Variants in TRAPPC9 observed in about 807,000 individuals in gnomAD.
The protein encoded by TRAPPC9 is trafficking protein particle complex subunit 9, also known as IKK2 binding protein.
TRAPPC9 carries 83 observed loss-of-function variants against 124.0 expected under a neutral mutation model. The ratio of observed to expected loss-of-function variants is 0.67; its 90% CI spans 0.56 to 0.80. The LOEUF (loss-of-function observed/expected upper bound fraction) is 0.80, where lower values mean the gene tolerates loss of function less well. Among genes scored for constraint, TRAPPC9 ranks in the 30% least tolerant of loss-of-function variants. The pLI is 0.00. For missense variants in TRAPPC9, 1,302 were observed against 1,508.3 expected (o/e 0.86, Z 2.27); for synonymous variants, 638 against 617.5 (o/e 1.03, Z -0.49).
chr8:140,206,547 G>A (rs958447373), intron 17 of TRAPPC9, among the ~76,000 whole-genome samples: 17 of 151,988 alleles, frequency 1.1e-4, no homozygotes, highest in Admixed American at 9.8e-4. Context: ...AATAAATTCT[G>A]GCTAGGGGTG....
intron 16 of TRAPPC9, among the ~76,000 whole-genome samples, chr8:140,221,876 G>A (rs2063345582): frequency 1.3e-5 from 2 of 152,162 alleles, no homozygotes; most frequent in South Asian, 2.1e-4. Context: ...TTTTGTTTAT[G>A]TAGGGGATTT....
intron 19 of TRAPPC9, among the ~76,000 whole-genome samples, chr8:139,912,377 C>CCAT: frequency 6.6e-6 from 1 of 152,146 alleles, no homozygotes; most frequent in Non-Finnish European, 1.5e-5. Context: ...TCATAGCCTA[C>CCAT]AGAATGGTTC....
chr8:140,328,895 G>T (rs2066815226), intron 9 of TRAPPC9, among the ~76,000 whole-genome samples: 1 of 152,140 alleles, frequency 6.6e-6, no homozygotes, highest in Non-Finnish European at 1.5e-5. Context: ...CACTGAGGGT[G>T]ACGGCTTTGG....
At chr8:139,901,473 TGA>T (rs1430445795) in intron 20 of TRAPPC9, among the ~76,000 whole-genome samples, 1 of 152,172 alleles carries the variant, frequency 6.6e-6, no homozygotes, top group Admixed American at 6.5e-5. Context: ...CTCCCTGGTG[TGA>T]GAGACCCAAC....
At chr8:140,399,861 C>T (rs577636976) in intron 6 of TRAPPC9, among the ~76,000 whole-genome samples, 5 of 152,314 alleles carry the variant, frequency 3.3e-5, no homozygotes, top group African/African-American at 1.2e-4. Flanking sequence ...TGTGTCCCCA[C>T]CCAAATCTCA....
chr8:139,974,907 C>T (rs1836341780), intron 19 of TRAPPC9, among the ~76,000 whole-genome samples: 1 of 152,100 alleles, frequency 6.6e-6, no homozygotes, highest in Non-Finnish European at 1.5e-5. Flanking sequence ...CTGCCGAGGG[C>T]ACCTCCACAG....
intron 17 of TRAPPC9, among the ~76,000 whole-genome samples, chr8:140,076,976 G>C (rs565674174): frequency 1.5e-4 from 23 of 151,936 alleles, no homozygotes; most frequent in African/African-American, 5.1e-4. Flanking sequence ...GACCAGCCTG[G>C]GCAACATAGC....
chr8:140,205,853 G>A (rs2062905222), intron 17 of TRAPPC9, among the ~76,000 whole-genome samples: 1 of 152,168 alleles, frequency 6.6e-6, no homozygotes, highest in Admixed American at 6.5e-5. Context: ...CTCTCCAGAT[G>A]CTGATTCCCA....
chr8:140,443,414 C>G lies in TRAPPC9; in HGVS notation c.585-4217G>C, dbSNP rs1440826167. ...TCGCGCCACTGCACTCCAGCGTGGG[C>G]GACAGAGCAAGACTCCATCTCAAAA... On this transcript the variant is annotated intron_variant, in intron 2 of 22. Coordinates refer to ENST00000438773, the MANE Select transcript of TRAPPC9 (RefSeq NM_001160372.4). 3.3e-5 allele frequency among the ~76,000 whole-genome samples: 5 copies of G among 150,428 alleles called. No individual in the cohort carries two copies. In the South Asian group the frequency reaches 8.4e-4, roughly 25 times the overall value.
chr8:140,010,719 T>C (rs1333455600), intron 18 of TRAPPC9, among the ~76,000 whole-genome samples: 1 of 152,162 alleles, frequency 6.6e-6, no homozygotes, highest in Non-Finnish European at 1.5e-5. Context: ...AAACGAACAG[T>C]CTCACATGCT....
chr8:140,116,909 A>G lies in TRAPPC9; in HGVS notation c.2557-92830T>C, dbSNP rs35854162. Reference sequence around the variant, plus strand: ...GTTCAGTGAGTAGGCGGAGTTCAGTAAGTAGGCGGAGTTCAGTGAGTAGGC... The same window carrying G: ...GTTCAGTGAGTAGGCGGAGTTCAGTGAGTAGGCGGAGTTCAGTGAGTAGGC... On this transcript the variant is annotated intron_variant, in intron 17 of 22. Transcript: ENST00000438773. Among the ~76,000 whole-genome samples the G allele has an allele frequency of 4.3e-3, 441 of 101,628 alleles. 8 individuals carry two copies. The highest frequency in any genetic ancestry group is 9.1e-3 in the African/African-American group (212 of 23,366). 66.7% of individuals were successfully genotyped at this position (101,628 alleles called of 152,430 possible).
At chr8:140,354,651 T>C (rs2067685155) in intron 9 of TRAPPC9, among the ~76,000 whole-genome samples, 1 of 152,234 alleles carries the variant, frequency 6.6e-6, no homozygotes, top group Non-Finnish European at 1.5e-5. Context: ...TTTCCATTCC[T>C]GGCTGCTCTT....
rs146889587 is a variant in TRAPPC9, at chr8:140,060,394, T to A, written c.2557-36315A>T. Among the ~76,000 whole-genome samples, 953 of 152,346 alleles carry A rather than the reference T, an allele frequency of 6.3e-3. 7 individuals are homozygous for A. Among genetic ancestry groups the A allele is most frequent in the Middle Eastern group, 0.01 (3 of 294 alleles). ...AGCTTAGGATTCAGCAATGGCCTTG[T>A]GGTGACCCCCAGAAGACTCTGGAGC... On this transcript the variant is annotated intron_variant, in intron 17 of 22. Transcript: ENST00000438773.
At chr8:139,898,620 A>C (rs1023404279) in intron 20 of TRAPPC9, among the ~76,000 whole-genome samples, 1 of 152,114 alleles carries the variant, frequency 6.6e-6, no homozygotes, top group African/African-American at 2.4e-5. Context: ...GCCCACAAAG[A>C]TTACACAGCA....
intron 21 of TRAPPC9, among the ~76,000 whole-genome samples, chr8:139,871,919 G>A (rs57910830): frequency 0.4 from 60,179 of 152,130 alleles, 12,469 homozygotes; most frequent in East Asian, 0.65. Context: ...GCAGACAGAT[G>A]GTGGTCAGAT....
chr8:140,229,516 C>A (rs536609234), intron 16 of TRAPPC9, among the ~76,000 whole-genome samples: 13 of 151,888 alleles, frequency 8.6e-5, no homozygotes, highest in Non-Finnish European at 1.9e-4. Flanking sequence ...GATCCACCCA[C>A]CTCGGCCTCC....
intron 17 of TRAPPC9, among the ~76,000 whole-genome samples, chr8:140,170,687 A>G (rs2061949721): frequency 6.6e-6 from 1 of 152,200 alleles, no homozygotes; most frequent in South Asian, 2.1e-4. Flanking sequence ...TCTCAGGAGC[A>G]CTCTTTGAAG....
chr8:139,908,034 C>G (rs1831473536), intron 20 of TRAPPC9, among the ~76,000 whole-genome samples: 1 of 152,186 alleles, frequency 6.6e-6, no homozygotes, highest in Non-Finnish European at 1.5e-5. Flanking sequence ...GCAGCACCAG[C>G]CCAGGGTGGT....
chr8:140,272,815 G>A (rs2064998064), intron 15 of TRAPPC9, among the ~76,000 whole-genome samples: 1 of 151,978 alleles, frequency 6.6e-6, no homozygotes, highest in Non-Finnish European at 1.5e-5. Context: ...ATTCCCATGA[G>A]ACGAGCACCC....
Sources: gnomAD v4.1 joint callset for allele counts (sites outside exome capture counted in the v4.1 genomes callset) on GRCh38, gnomAD v4.1.1 for gene constraint, MANE v1.5 for transcripts, NCBI Gene and HGNC (gene_info 2026-07-23, HGNC 2026-07-21) for gene names.